Variants in MGAT4C observed in about 807,000 individuals in gnomAD.
MGAT4C encodes MGAT4 family member C.
In MGAT4C, 19 loss-of-function variants were observed where a neutral mutation model predicts 40.1. That is an observed-to-expected ratio of 0.47 (90% CI 0.33 to 0.70). MGAT4C has a LOEUF of 0.70. MGAT4C is among the 30% of genes least tolerant of loss of function. The probability of loss-of-function intolerance (pLI) is 0.02; values close to 1 mark genes in which losing one functional copy is unlikely to be tolerated. For synonymous variants in MGAT4C, 181 were observed against 187.1 expected (o/e 0.97, Z 0.27); for missense variants, 491 against 563.2 (o/e 0.87, Z 1.30).
At chr12:86,711,018 C>A (rs1302398969) in intron 2 of MGAT4C, among the ~76,000 whole-genome samples, 1 of 151,876 alleles carries the variant, frequency 6.6e-6, no homozygotes, top group East Asian at 1.9e-4. Context: ...ATATAATGGA[C>A]TTCGAGGACT....
chr12:86,709,898 C>T (rs1293418670), intron 2 of MGAT4C, among the ~76,000 whole-genome samples: 2 of 152,066 alleles, frequency 1.3e-5, no homozygotes, highest in Non-Finnish European at 2.9e-5. Flanking sequence ...GCATAAAATT[C>T]TTGTATACAC....
At chr12:86,016,455 C>T (rs1889096156) in intron 2 of MGAT4C, 1 of 148,622 alleles carries the variant, frequency 6.7e-6, no homozygotes, top group Non-Finnish European at 1.5e-5. Flanking sequence ...AAGGAAACTG[C>T]ATTTTCGTGA....
chr12:86,120,971 C>T (rs1879286488), intron 1 of MGAT4C, among the ~76,000 whole-genome samples: 1 of 152,142 alleles, frequency 6.6e-6, no homozygotes, highest in Non-Finnish European at 1.5e-5. Flanking sequence ...TGTTTGAACC[C>T]ATTGCAAAGA....
chr12:86,118,417 T>C (rs1268127154), intron 1 of MGAT4C, among the ~76,000 whole-genome samples: 2 of 152,188 alleles, frequency 1.3e-5, no homozygotes, highest in Non-Finnish European at 2.9e-5. Flanking sequence ...GAAGAGCAAC[T>C]GTTTCAGAAG....
chr12:86,572,228 A>C (rs917411806), intron 2 of MGAT4C, among the ~76,000 whole-genome samples: 2 of 152,156 alleles, frequency 1.3e-5, no homozygotes, highest in African/African-American at 4.8e-5. Context: ...TAGTATAAAC[A>C]TTCTTAGTTT....
At chr12:86,373,756 A>G (rs918101218) in intron 3 of MGAT4C, among the ~76,000 whole-genome samples, 2 of 151,884 alleles carry the variant, frequency 1.3e-5, no homozygotes, top group Non-Finnish European at 2.9e-5. Context: ...AGGGGTCAAT[A>G]GGCAAAAGAC....
chr12:86,323,548 T>G (rs182551902), intron 4 of MGAT4C, among the ~76,000 whole-genome samples: 2 of 152,002 alleles, frequency 1.3e-5, no homozygotes, highest in Admixed American at 1.3e-4. Flanking sequence ...ACAGTTAATT[T>G]AATTTAAGGA....
At chr12:86,600,765 G>A (rs1961739792) in intron 2 of MGAT4C, among the ~76,000 whole-genome samples, 1 of 152,232 alleles carries the variant, frequency 6.6e-6, no homozygotes, top group African/African-American at 2.4e-5. Flanking sequence ...GCCCTACTGA[G>A]TTGGTGGGAC....
intron 1 of MGAT4C, among the ~76,000 whole-genome samples, chr12:86,201,175 A>AT (rs1261205946): frequency 6.6e-6 from 1 of 152,026 alleles, no homozygotes; most frequent in Non-Finnish European, 1.5e-5. Flanking sequence ...TATTTCCCCT[A>AT]TTTTTTCTTC....
intron 1 of MGAT4C, among the ~76,000 whole-genome samples, chr12:86,802,059 T>G (rs1190960946): frequency 1.3e-5 from 2 of 151,972 alleles, no homozygotes; most frequent in African/African-American, 4.8e-5. Flanking sequence ...AATTCAGGAC[T>G]GGCACTGGAT....
At chr12:86,073,299 T>C (rs904986771) in intron 1 of MGAT4C, among the ~76,000 whole-genome samples, 1 of 152,214 alleles carries the variant, frequency 6.6e-6, no homozygotes, top group African/African-American at 2.4e-5. Context: ...TAAATATATT[T>C]TTCTTTATAA....
chr12:86,006,330 C>G (rs1442041310), intron 2 of MGAT4C, among the ~76,000 whole-genome samples: 1 of 152,134 alleles, frequency 6.6e-6, no homozygotes, highest in Non-Finnish European at 1.5e-5. Context: ...AACTGGGTTT[C>G]TAACCATTAA....
At chr12:86,778,282 T>C (rs1190239516) in intron 1 of MGAT4C, among the ~76,000 whole-genome samples, 1 of 152,082 alleles carries the variant, frequency 6.6e-6, no homozygotes, top group African/African-American at 2.4e-5. Flanking sequence ...GAAAGAAAAC[T>C]GAGATAACAA....
intron 4 of MGAT4C, among the ~76,000 whole-genome samples, chr12:86,286,878 G>A (rs1369949695): frequency 1.3e-5 from 2 of 152,018 alleles, no homozygotes; most frequent in Non-Finnish European, 2.9e-5. Context: ...TTAGGATGAT[G>A]GCCTCCAGCT....
chr12:86,189,511 A>G (rs1208800875), intron 1 of MGAT4C, among the ~76,000 whole-genome samples: 1 of 151,980 alleles, frequency 6.6e-6, no homozygotes, highest in East Asian at 1.9e-4. Context: ...ACACTGAAGA[A>G]CATTGTATTT....
intron 2 of MGAT4C, among the ~76,000 whole-genome samples, chr12:86,609,396 C>T (rs1051222563): frequency 3.3e-5 from 5 of 151,928 alleles, no homozygotes; most frequent in South Asian, 2.1e-4. Context: ...ACAAAATAAC[C>T]GTGGAAGCTG....
chr12:86,536,635 AAT>A (rs1316656067), intron 2 of MGAT4C, among the ~76,000 whole-genome samples: 1 of 152,206 alleles, frequency 6.6e-6, no homozygotes, highest in Non-Finnish European at 1.5e-5. Context: ...AGTTGAGGAC[AAT>A]AGTACACTTT....
chr12:86,102,230 C>T lies in MGAT4C; in HGVS notation c.-56-52507G>A, dbSNP rs2135600032. The stretch of plus-strand genomic sequence containing the variant: ...TATTGATGTAGAAATGGAATGAACA[C>T]TTTTTTTTGTAATGACAAATCAAAC... On this transcript the variant is annotated intron_variant, in intron 1 of 4. Coordinates refer to ENST00000611864, the MANE Select transcript of MGAT4C (RefSeq NM_001351288.2). Among the ~76,000 whole-genome samples, 2 of 151,722 alleles carry T rather than the reference C, an allele frequency of 1.3e-5. 1 individual carries two copies. Among genetic ancestry groups the T allele is most frequent in the Middle Eastern group, 6.9e-3 (2 of 290 alleles).
At chr12:86,292,987 T>TAGTTGGTTGC (rs1953563924) in intron 4 of MGAT4C, among the ~76,000 whole-genome samples, 1 of 152,060 alleles carries the variant, frequency 6.6e-6, no homozygotes, top group South Asian at 2.1e-4. Flanking sequence ...ATGAGAAAAT[T>TAGTTGGTTGC]AGTTGGTTGC....
Sources: allele counts gnomAD v4.1 joint callset (sites outside exome capture counted in the v4.1 genomes callset), GRCh38; gene constraint gnomAD v4.1.1; transcripts MANE v1.5; gene names NCBI Gene and HGNC (gene_info 2026-07-23, HGNC 2026-07-21).